The following SDHA variants were observed in gnomAD, a reference collection of about 807,000 sequenced individuals.
The protein encoded by SDHA is succinate dehydrogenase complex flavoprotein subunit A, also known as succinate dehydrogenase [ubiquinone] flavoprotein subunit, mitochondrial.
Under a neutral mutation model 78.4 loss-of-function variants are expected in SDHA, and 48 were observed. The ratio of observed to expected loss-of-function variants is 0.61; its 90% CI spans 0.49 to 0.78. The LOEUF (loss-of-function observed/expected upper bound fraction) is 0.78. Ranked by LOEUF, SDHA falls within the 30% of genes least tolerant of loss-of-function variation. SDHA has a pLI of 0.00. For missense variants in SDHA, 680 were observed against 892.7 expected (o/e 0.76, Z 3.04); for synonymous variants, 326 against 353.9 (o/e 0.92, Z 0.88).
At chr5:238,429 A>C (rs1735917014) in intron 10 of SDHA, among the ~76,000 whole-genome samples, 1 of 150,574 alleles carries the variant, frequency 6.6e-6, no homozygotes. Context: ...AAATACATAT[A>C]TATACACATA....
chr5:243,788 A>T (rs1317746434), intron 11 of SDHA, among the ~76,000 whole-genome samples: 1 of 152,152 alleles, frequency 6.6e-6, no homozygotes, highest in Non-Finnish European at 1.5e-5. Context: ...CACTTAGTTG[A>T]TTATATCAAG....
chr5:239,873 A>G (rs915586431), intron 10 of SDHA, among the ~76,000 whole-genome samples: 2 of 151,598 alleles, frequency 1.3e-5, no homozygotes, highest in Non-Finnish European at 2.9e-5. Context: ...GGGTTCAAGC[A>G]GTTCTCATGC....
At chr5:253,215 G>A (rs1055845524) in intron 13 of SDHA, 1 of 152,206 alleles carries the variant, frequency 6.6e-6, no homozygotes, top group African/African-American at 2.4e-5. Flanking sequence ...GTTCAGGACC[G>A]TGTGTAGGCG....
downstream of SDHA, among the ~76,000 whole-genome samples, chr5:258,443 C>T (rs1400792335): frequency 1.5e-4 from 17 of 110,492 alleles, 2 homozygotes. Flanking sequence ...TTACTGTGAG[C>T]TCCATCTCTT....
At chr5:234,312 G>C (rs1476364495) in intron 8 of SDHA, 2 of 153,020 alleles carry the variant, frequency 1.3e-5, no homozygotes, top group African/African-American at 4.9e-5. Flanking sequence ...CCAGCTACTC[G>C]GGAGGCTGAG....
chr5:243,031 A>G (rs1024570490), intron 11 of SDHA, among the ~76,000 whole-genome samples: 4 of 152,138 alleles, frequency 2.6e-5, no homozygotes, highest in Admixed American at 1.3e-4. Context: ...TCCAGAGGAC[A>G]GTGGGCGAAA....
chr5:219,220 G>A (rs1381008941), intron 1 of SDHA, among the ~76,000 whole-genome samples: 1 of 152,254 alleles, frequency 6.6e-6, no homozygotes, highest in African/African-American at 2.4e-5. Context: ...CTCTAGGGCC[G>A]GGCTCGGCTT....
chr5:239,832 C>T (rs188004879), intron 10 of SDHA, among the ~76,000 whole-genome samples: 107 of 151,128 alleles, frequency 7.1e-4, no homozygotes, highest in Non-Finnish European at 1.1e-3. Flanking sequence ...TGCAGTGGCG[C>T]GATCTCGGCT....
At chr5:250,895 T>A in intron 11 of SDHA, 97 bp from the exon 12 acceptor site, 1 of 1,026,914 alleles carries the variant, frequency 9.7e-7, no homozygotes. Context: ...ATGTAACTTT[T>A]AAGTGAAATG....
intron 6 of SDHA, among the ~76,000 whole-genome samples, chr5:229,304 T>G (rs977668013): frequency 6.6e-6 from 1 of 152,260 alleles, no homozygotes; most frequent in Non-Finnish European, 1.5e-5. Context: ...AAGAGACACC[T>G]GGACCCTATG....
Position 233,514 on chromosome 5 carries a change from T to C in SDHA, c.933T>C (p.Cys311=), listed in dbSNP as rs764026731. ...CTGGTTGTCTCATTACGGAAGGATG[T>C]CGTGGAGAGGGAGGCATTCTCATTA... ...YGAGCLITEG[C]RGEGGILINS... is the part of the protein sequence containing the mutation. Residue 311 remains cysteine, a synonymous_variant, in exon 8 of 15, where the codon TGT becomes TGC. Transcript: ENST00000264932. 2 of 1,614,214 alleles carry C rather than the reference T, an allele frequency of 1.2e-6. No individual in the cohort carries two copies. Among genetic ancestry groups the C allele is most frequent in the South Asian group, 2.2e-5 (2 of 91,080 alleles).
chr5:268,276 G>A, the SDHA span, among the ~76,000 whole-genome samples: 7 of 151,586 alleles, frequency 4.6e-5, no homozygotes, highest in South Asian at 4.2e-4. Context: ...TCCGCCTCCC[G>A]GGTTCACGCC....
chr5:248,293 A>G (rs530062354), intron 11 of SDHA, among the ~76,000 whole-genome samples: 14 of 152,272 alleles, frequency 9.2e-5, no homozygotes, highest in African/African-American at 3.4e-4. Context: ...GAGGACCCCA[A>G]CTGTCATGAG....
rs1736501683 is a variant in SDHA, at chr5:246,904, A to C, written c.1552-4088A>C. Among the ~76,000 whole-genome samples, 2 of 152,258 alleles carry C rather than the reference A, an allele frequency of 1.3e-5. 1 individual carries two copies. Among genetic ancestry groups the C allele is most frequent in the South Asian group, 4.1e-4 (2 of 4,828 alleles). ...AATTGTCCCTCTCACGAAGGCACAA[A>C]TACAGCAAGATTTTTTAAATAGTCT... On this transcript the variant is annotated intron_variant, in intron 11 of 14. Coordinates refer to ENST00000264932, the MANE Select transcript of SDHA (RefSeq NM_004168.4).
downstream of SDHA, among the ~76,000 whole-genome samples, chr5:258,430 G>A (rs543818725): frequency 3.6e-4 from 44 of 123,384 alleles, 4 homozygotes; most frequent in Non-Finnish European, 6.0e-4. Flanking sequence ...TCCTGTCAGA[G>A]CATTACTGTG....
At chr5:265,485 G>T in the SDHA span, among the ~76,000 whole-genome samples, 1 of 152,192 alleles carries the variant, frequency 6.6e-6, no homozygotes, top group Non-Finnish European at 1.5e-5. Context: ...ACTGGGAGTG[G>T]ACACTTGAGG....
chr5:266,940 C>CCTTGCCG, the SDHA span, among the ~76,000 whole-genome samples: 1 of 152,192 alleles, frequency 6.6e-6, no homozygotes, highest in African/African-American at 2.4e-5. Flanking sequence ...ATATTCAGAC[C>CCTTGCCG]TGCACCATCC....
intron 9 of SDHA, 127 bp downstream of exon 9, chr5:235,466 T>G (rs1445612247): frequency 2.1e-6 from 2 of 940,112 alleles, no homozygotes; most frequent in African/African-American, 3.3e-5. Context: ...CTGTATTGTT[T>G]TCTAGATTGC....
At position 235,101 on chromosome 5, in the gene SDHA, G is replaced by A. The variant is rs193132294; in HGVS notation, c.1065-43G>A. On this transcript the variant is annotated intron_variant, in intron 8 of 14. Coordinates refer to ENST00000264932, the MANE Select transcript of SDHA (RefSeq NM_004168.4). The stretch of plus-strand genomic sequence containing the variant: ...ATGACGTATTCTCAGGTCTCCTGCC[G>A]TTGCCGTTCTCTGCCGTATGTGATG... The A allele has an allele frequency of 1.4e-3, 2,286 of 1,589,328 alleles. 5 individuals carry two copies. The highest frequency in any genetic ancestry group is 1.8e-3 in the Non-Finnish European group (2,103 of 1,157,412).
Sources: allele counts gnomAD v4.1 joint callset (sites outside exome capture counted in the v4.1 genomes callset), GRCh38; gene constraint gnomAD v4.1.1; transcripts MANE v1.5; gene names NCBI Gene and HGNC (gene_info 2026-07-23, HGNC 2026-07-21).